Variants in EXOC4 observed in about 807,000 individuals in gnomAD.
EXOC4 encodes SEC8-like 1.
In EXOC4, 71 loss-of-function variants were observed where a neutral mutation model predicts 107.2. The ratio of observed to expected loss-of-function variants is 0.66; its 90% CI spans 0.55 to 0.81. The LOEUF (loss-of-function observed/expected upper bound fraction) is 0.81. Ranked by LOEUF, EXOC4 falls within the 30% of genes least tolerant of loss-of-function variation. The probability of loss-of-function intolerance (pLI) is 0.00; values close to 1 mark genes in which losing one functional copy is unlikely to be tolerated. For missense variants in EXOC4, 1,108 were observed against 1,189.6 expected (o/e 0.93, Z 1.01); for synonymous variants, 456 against 441.2 (o/e 1.03, Z -0.42).
intron 10 of EXOC4, among the ~76,000 whole-genome samples, chr7:133,662,355 A>G (rs1048113129): frequency 3.3e-5 from 5 of 152,128 alleles, no homozygotes; most frequent in African/African-American, 1.2e-4. Context: ...GAAACCATGC[A>G]AGGGTATTAT....
At chr7:133,701,735 A>T (rs1794659139) in intron 10 of EXOC4, among the ~76,000 whole-genome samples, 1 of 152,160 alleles carries the variant, frequency 6.6e-6, no homozygotes, top group Non-Finnish European at 1.5e-5. Flanking sequence ...ATTTGCATGT[A>T]TATAAAATGA....
chr7:133,631,754 CAT>C (rs1802596481), intron 10 of EXOC4, among the ~76,000 whole-genome samples: 1 of 151,650 alleles, frequency 6.6e-6, no homozygotes. Context: ...GATTAAATAA[CAT>C]TGATTATTTT....
intron 9 of EXOC4, among the ~76,000 whole-genome samples, chr7:133,555,759 C>CAATTTTGAATTTTCAA (rs1338834659): frequency 6.6e-6 from 1 of 152,204 alleles, no homozygotes; most frequent in African/African-American, 2.4e-5. Context: ...ATGCCAAATG[C>CAATTTTGAATTTTCAA]AATTTTGAAT....
At chr7:133,925,864 C>T (rs1395255635) in intron 13 of EXOC4, among the ~76,000 whole-genome samples, 1 of 151,614 alleles carries the variant, frequency 6.6e-6, no homozygotes, top group Non-Finnish European at 1.5e-5. Flanking sequence ...GGTGAAACCC[C>T]GTCTCTACTA....
chr7:133,509,083 T>A (rs887446763), intron 9 of EXOC4, among the ~76,000 whole-genome samples: 1 of 152,136 alleles, frequency 6.6e-6, no homozygotes, highest in Non-Finnish European at 1.5e-5. Context: ...GTGGCAGTGT[T>A]TCCAGTGATA....
At chr7:133,514,032 ATTGT>A (rs1799823702) in intron 9 of EXOC4, among the ~76,000 whole-genome samples, 1 of 152,034 alleles carries the variant, frequency 6.6e-6, no homozygotes, top group African/African-American at 2.4e-5. Flanking sequence ...CTTAGCATTT[ATTGT>A]TTGTTATACT....
chr7:133,963,264 CAG>C (rs1670027836), intron 14 of EXOC4, among the ~76,000 whole-genome samples: 1 of 152,324 alleles, frequency 6.6e-6, no homozygotes, highest in African/African-American at 2.4e-5. Context: ...CTGTAGTACT[CAG>C]AACTGTAAAA....
chr7:133,817,489 T>G lies in EXOC4; in HGVS notation c.1679T>G (p.Ile560Ser), dbSNP rs575482547. The G allele has an allele frequency of 6.2e-7, 1 of 1,614,194 alleles. No homozygotes were observed. Among genetic ancestry groups the G allele is most frequent in the South Asian group, 1.1e-5 (1 of 91,088 alleles). ...ACTAAAACATCTGACCCTTTGAAGA[T>G]TCTGGCCAACGCAGACACCATGAAG... Reference protein sequence around the residue: ...GVTKTSDPLKILANADTMKVL... With the variant: ...GVTKTSDPLKSLANADTMKVL... Residue 560 changes from isoleucine to serine, a missense_variant, in exon 11 of 18, where the codon ATT becomes AGT. Physicochemically the swap from Ile to Ser is moderately radical, Grantham distance 142 (BLOSUM62 -2). Coordinates refer to ENST00000253861, the MANE Select transcript of EXOC4 (RefSeq NM_021807.4).
chr7:133,994,679 G>T (rs953078500), intron 14 of EXOC4, among the ~76,000 whole-genome samples: 1 of 152,032 alleles, frequency 6.6e-6, no homozygotes, highest in Non-Finnish European at 1.5e-5. Flanking sequence ...CCCAATACGC[G>T]TGGGCTCTTC....
chr7:134,002,066 C>T (rs1297526996), intron 15 of EXOC4, among the ~76,000 whole-genome samples: 3 of 152,192 alleles, frequency 2.0e-5, no homozygotes, highest in Non-Finnish European at 2.9e-5. Flanking sequence ...AGTTGGTCAA[C>T]TTTCATTCTG....
intron 10 of EXOC4, among the ~76,000 whole-genome samples, chr7:133,767,085 T>C (rs1424574600): frequency 1.3e-5 from 2 of 151,988 alleles, no homozygotes; most frequent in Non-Finnish European, 2.9e-5. Flanking sequence ...CTTGCATCTT[T>C]TCAGAGAGTT....
intron 10 of EXOC4, among the ~76,000 whole-genome samples, chr7:133,776,043 T>TGA (rs199708462): frequency 0.027 from 4,037 of 152,252 alleles, 90 homozygotes; most frequent in Non-Finnish European, 0.039. Context: ...AAAGCACTCT[T>TGA]AAAGAAATAA....
rs1045708953 is a variant in EXOC4, at chr7:133,895,813, G to A, written c.1871+78G>A. The A allele has an allele frequency of 7.5e-6, 11 of 1,474,944 alleles. No individual in the cohort carries two copies. The African/African-American group carries it at 1.3e-4, about 17-fold the overall frequency. The allele number at this position is 1,474,944 out of a possible 1,614,324, so 91.4% of individuals were successfully genotyped here. On this transcript the variant is annotated intron_variant, in intron 12 of 17. Transcript: ENST00000253861. Reference sequence around the variant, plus strand: ...TCCAATTGGTGAAATTGCTTCAATAGCCTAATTTCCAAAAGGATCATCTCT... The same window carrying A: ...TCCAATTGGTGAAATTGCTTCAATAACCTAATTTCCAAAAGGATCATCTCT...
At chr7:133,684,332 T>C (rs977832041) in intron 10 of EXOC4, among the ~76,000 whole-genome samples, 17 of 152,214 alleles carry the variant, frequency 1.1e-4, no homozygotes, top group African/African-American at 3.9e-4. Context: ...TCAAAATTGA[T>C]GGTTTAAATA....
the EXOC4 span, among the ~76,000 whole-genome samples, chr7:134,075,169 CAG>C: frequency 1.3e-5 from 2 of 152,218 alleles, no homozygotes; most frequent in African/African-American, 2.4e-5. Flanking sequence ...TGGCAGTCAG[CAG>C]ATACATGGGA....
chr7:133,856,372 C>T (rs1798372532), intron 11 of EXOC4, among the ~76,000 whole-genome samples: 1 of 152,236 alleles, frequency 6.6e-6, no homozygotes, highest in African/African-American at 2.4e-5. Context: ...AATGCCTAAG[C>T]ACCTGGAGCA....
intron 10 of EXOC4, among the ~76,000 whole-genome samples, chr7:133,658,408 T>G (rs1361688645): frequency 6.6e-6 from 1 of 152,198 alleles, no homozygotes; most frequent in Non-Finnish European, 1.5e-5. Flanking sequence ...ACATCTGCCC[T>G]GTGCCCAAAT....
intron 7 of EXOC4, among the ~76,000 whole-genome samples, chr7:133,450,761 T>G (rs914701946): frequency 1.3e-5 from 2 of 152,366 alleles, no homozygotes; most frequent in African/African-American, 2.4e-5. Context: ...ACACATAAAA[T>G]AATAAATGAA....
intron 9 of EXOC4, among the ~76,000 whole-genome samples, chr7:133,624,353 G>C (rs948837030): frequency 6.6e-6 from 1 of 152,166 alleles, no homozygotes; most frequent in Admixed American, 6.5e-5. Flanking sequence ...GGGAGGCCAA[G>C]GTGGGAGGAT....
Sources: gnomAD v4.1 joint callset for allele counts (sites outside exome capture counted in the v4.1 genomes callset) on GRCh38, gnomAD v4.1.1 for gene constraint, MANE v1.5 for transcripts, NCBI Gene and HGNC (gene_info 2026-07-23, HGNC 2026-07-21) for gene names.